Variants in SLC66A1 observed in about 807,000 individuals in gnomAD.
SLC66A1 encodes lysosomal amino acid transporter 1 homolog.
In SLC66A1, 23 loss-of-function variants were observed where a neutral mutation model predicts 33.0. That is an observed-to-expected ratio of 0.70 (90% CI 0.50 to 0.99). The LOEUF (loss-of-function observed/expected upper bound fraction) is 0.99, where lower values mean the gene tolerates loss of function less well. SLC66A1 is among the 50% of genes least tolerant of loss of function. SLC66A1 has a pLI of 0.00. For missense variants in SLC66A1, 335 were observed against 383.6 expected, an observed-to-expected ratio of 0.87 and a Z score of 1.06; for synonymous variants, 164 against 175.5, an observed-to-expected ratio of 0.93 and a Z score of 0.52.
chr1:19,326,164 A>C, intron 4 of SLC66A1, 81 bp from the exon 5 acceptor site: 1 of 1,383,364 alleles, frequency 7.2e-7, no homozygotes, highest in Non-Finnish European at 9.9e-7. Flanking sequence ...CCTGAGGGGC[A>C]AGGCCAGGAC....
intron 3 of SLC66A1, 76 bp downstream of exon 3, chr1:19,324,838 G>A: frequency 6.4e-7 from 1 of 1,551,048 alleles, no homozygotes; most frequent in African/African-American, 1.4e-5. Context: ...GGAGATGCCA[G>A]GCTCTTTGGC....
At chr1:19,319,732 A>G (rs984610872) in intron 2 of SLC66A1, among the ~76,000 whole-genome samples, 7 of 149,770 alleles carry the variant, frequency 4.7e-5, no homozygotes, top group East Asian at 2.0e-4. Flanking sequence ...GTGAAACTCC[A>G]TCTCTACTAA....
intron 7 of SLC66A1, chr1:19,327,685 A>C: frequency 1.6e-6 from 1 of 643,434 alleles, no homozygotes; most frequent in Admixed American, 2.1e-5. Flanking sequence ...GAGAGGACAC[A>C]ACGCTATCAT....
At chr1:19,327,998 C>A in intron 7 of SLC66A1, 1 of 253,010 alleles carries the variant, frequency 4.0e-6, no homozygotes, top group Non-Finnish European at 7.9e-6. Context: ...TCTGTGCTGC[C>A]GTGTCTTCAC....
intron 1 of SLC66A1, among the ~76,000 whole-genome samples, chr1:19,316,034 C>G (rs2093803245): frequency 6.6e-6 from 1 of 152,192 alleles, no homozygotes; most frequent in Admixed American, 6.5e-5. Context: ...GATGGCCCAG[C>G]CGAGCCTCAC....
chr1:19,319,172 G>C (rs1405851840), intron 2 of SLC66A1, among the ~76,000 whole-genome samples: 1 of 152,248 alleles, frequency 6.6e-6, no homozygotes, highest in Non-Finnish European at 1.5e-5. Flanking sequence ...AACCCATTCA[G>C]TGTACAGTCA....
chr1:19,331,111 G>A (rs1024989908), downstream of SLC66A1, among the ~76,000 whole-genome samples: 41 of 152,188 alleles, frequency 2.7e-4, no homozygotes, highest in African/African-American at 9.2e-4. Flanking sequence ...TCCCGGGTTC[G>A]AGCGATTCTC....
chr1:19,320,674 C>A (rs2093831729), intron 2 of SLC66A1, among the ~76,000 whole-genome samples: 1 of 151,678 alleles, frequency 6.6e-6, no homozygotes, highest in African/African-American at 2.4e-5. Context: ...CTTGGCCTCC[C>A]AAAGTGCTGG....
At chr1:19,313,342 T>C in intron 1 of SLC66A1, 1 of 685,906 alleles carries the variant, frequency 1.5e-6, no homozygotes, top group Non-Finnish European at 1.8e-6. Flanking sequence ...CCGTTTCCTC[T>C]CTTCTTCACT....
chr1:19,327,198 G>A, intron 6 of SLC66A1, 29 bp from the exon 7 acceptor site: 1 of 1,585,996 alleles, frequency 6.3e-7, no homozygotes, highest in African/African-American at 1.3e-5. Context: ...CCTGTTCGAG[G>A]TCTCTGACCT....
intron 7 of SLC66A1, chr1:19,327,680 G>A (rs570466128): frequency 7.5e-4 from 497 of 659,962 alleles, no homozygotes; most frequent in Non-Finnish European, 1.2e-3. Context: ...GCGCAGAGAG[G>A]ACACAACGCT....
At chr1:19,320,637 G>A (rs370012893) in intron 2 of SLC66A1, among the ~76,000 whole-genome samples, 17 of 151,636 alleles carry the variant, frequency 1.1e-4, no homozygotes, top group Admixed American at 3.9e-4. Context: ...GGATGGTCTC[G>A]ATTTCCTGAC....
downstream of SLC66A1, among the ~76,000 whole-genome samples, chr1:19,330,820 A>G (rs756285491): frequency 1.3e-5 from 2 of 152,150 alleles, no homozygotes; most frequent in Non-Finnish European, 2.9e-5. Flanking sequence ...AGAGGAGGCA[A>G]GGCACACCTC....
At chr1:19,316,888 T>C (rs1374929563) in intron 1 of SLC66A1, among the ~76,000 whole-genome samples, 25 of 149,202 alleles carry the variant, frequency 1.7e-4, no homozygotes, top group Non-Finnish European at 3.0e-4. Flanking sequence ...TTTTTTTTTT[T>C]AGAGGGAGTC....
At chr1:19,324,137 G>C (rs1023604564) in intron 2 of SLC66A1, among the ~76,000 whole-genome samples, 8 of 152,272 alleles carry the variant, frequency 5.3e-5, no homozygotes, top group African/African-American at 1.9e-4. Context: ...AAAGAGAACT[G>C]GGCTGGGGTT....
chr1:19,332,086 C>T (rs1170034998), downstream of SLC66A1, among the ~76,000 whole-genome samples: 2 of 152,222 alleles, frequency 1.3e-5, no homozygotes, highest in Admixed American at 1.3e-4. Flanking sequence ...CCTTGGAGGC[C>T]TCATTCCAGC....
downstream of SLC66A1, among the ~76,000 whole-genome samples, chr1:19,330,306 C>T (rs2093888940): frequency 6.6e-6 from 1 of 152,142 alleles, no homozygotes; most frequent in Non-Finnish European, 1.5e-5. Context: ...TGGGGAGAGA[C>T]GCTGCGTCCC....
At chr1:19,322,855 G>A (rs1056984654) in intron 2 of SLC66A1, among the ~76,000 whole-genome samples, 1 of 151,122 alleles carries the variant, frequency 6.6e-6, no homozygotes, top group Non-Finnish European at 1.5e-5. Context: ...TGACACTGGG[G>A]TTTTAGTTTT....
chr1:19,321,567 ATTT>A (rs35415316), intron 2 of SLC66A1, among the ~76,000 whole-genome samples: 2 of 132,450 alleles, frequency 1.5e-5, no homozygotes, highest in African/African-American at 6.1e-5. Context: ...GTCCAACCTC[ATTT>A]TTTTTTTTTT....
Sources: gnomAD v4.1 joint callset for allele counts (sites outside exome capture counted in the v4.1 genomes callset) on GRCh38, gnomAD v4.1.1 for gene constraint, MANE v1.5 for transcripts, NCBI Gene and HGNC (gene_info 2026-07-23, HGNC 2026-07-21) for gene names.